Variants in TGIF2 observed in about 807,000 individuals in gnomAD.
TGIF2 encodes the protein homeobox protein TGIF2.
TGIF2 carries 5 observed loss-of-function variants against 15.1 expected under a neutral mutation model. That is an observed-to-expected ratio of 0.33 (90% confidence interval 0.17 to 0.70). The LOEUF (loss-of-function observed/expected upper bound fraction) is 0.70, where lower values mean the gene tolerates loss of function less well. TGIF2 is among the 30% of genes least tolerant of loss of function. The pLI, the probability that TGIF2 is intolerant of heterozygous loss-of-function variation, is 0.67. For synonymous variants in TGIF2, 131 were observed against 128.9 expected, an observed-to-expected ratio of 1.02 and a Z score of -0.11; for missense variants, 264 against 302.5, an observed-to-expected ratio of 0.87 and a Z score of 0.94.
At chr20:36,585,550 G>A (rs1285546507) in intron 2 of TGIF2, among the ~76,000 whole-genome samples, 1 of 150,562 alleles carries the variant, frequency 6.6e-6, no homozygotes, top group East Asian at 1.9e-4. Flanking sequence ...GCTTGAACAA[G>A]TATCAACATT....
At chr20:36,575,004 T>C (rs1162367397) in intron 1 of TGIF2, among the ~76,000 whole-genome samples, 1 of 151,810 alleles carries the variant, frequency 6.6e-6, no homozygotes, top group Non-Finnish European at 1.5e-5. Flanking sequence ...AGGGTAGAAC[T>C]GATTGTTAGT....
In TGIF2 at chr20:36,573,701, C is replaced by T. The variant is rs895612999; in HGVS notation, c.-79C>T. The T allele has an allele frequency of 6.6e-5, 10 of 152,074 alleles. No homozygotes were observed. Among genetic ancestry groups the T allele is most frequent in the African/African-American group, 2.4e-4 (10 of 41,480 alleles). The allele number at this position is 152,074 out of a possible 1,614,324, so 9.4% of individuals were successfully genotyped here. A position where few individuals can be genotyped will look rare whatever the true frequency, so the allele number is the denominator to read the frequency against. ...CCCCCCGCTCCCCGCCGGGACGCCC[C>T]GCGCCGAGCCGGAGGCCGCGTGGAC... On this transcript the variant is annotated 5_prime_UTR_variant, in exon 1 of 3. Coordinates refer to ENST00000373872, the MANE Select transcript of TGIF2 (RefSeq NM_021809.7).
chr20:36,578,771 C>T lies in TGIF2; in HGVS notation c.-4C>T, dbSNP rs1158443303. The T allele has an allele frequency of 2.5e-6, 4 of 1,608,786 alleles. No homozygotes were observed. In the East Asian group the frequency reaches 8.9e-5, roughly 36 times the overall value. ...CCCAAGGTCCAGCCTAGCCCCTAGG[C>T]ACCATGTCGGACAGTGATCTAGGTG... On this transcript the variant is annotated 5_prime_UTR_variant, in exon 2 of 3. Coordinates refer to ENST00000373872, the MANE Select transcript of TGIF2 (RefSeq NM_021809.7).
chr20:36,587,735 G>A (rs2038688752), intron 2 of TGIF2, among the ~76,000 whole-genome samples: 1 of 152,168 alleles, frequency 6.6e-6, no homozygotes, highest in South Asian at 2.1e-4. Flanking sequence ...CTGTGTGATA[G>A]GCTGAGATTG....
intron 2 of TGIF2, among the ~76,000 whole-genome samples, chr20:36,584,884 C>T (rs1467312443): frequency 6.6e-6 from 1 of 151,762 alleles, no homozygotes; most frequent in Non-Finnish European, 1.5e-5. Flanking sequence ...CCATTAAGGA[C>T]ATTTAAGAAT....
In TGIF2 at chr20:36,578,786, T is replaced by C. The variant is rs757921819; in HGVS notation, c.12T>C (p.Ser4=). Residue 4 remains serine (S), a synonymous_variant, in exon 2 of 3, where the codon AGT becomes AGC. Coordinates refer to ENST00000373872, the MANE Select transcript of TGIF2 (RefSeq NM_021809.7). ...AGCCCCTAGGCACCATGTCGGACAG[T>C]GATCTAGGTGAGGACGAAGGCCTCC... The part of the protein sequence containing the change: MSD[S]DLGEDEGLLS... 6.6e-5 allele frequency: 106 copies of C among 1,612,288 alleles called. No individual in the cohort carries two copies. In the East Asian group the frequency reaches 9.1e-4, roughly 14 times the overall value.
At chr20:36,574,419 A>C (rs2038368565) in intron 1 of TGIF2, 1 of 33,148 alleles carries the variant, frequency 3.0e-5, no homozygotes, top group East Asian at 9.0e-4. Flanking sequence ...GGCGGCCAAC[A>C]TGGAGTCTGG....
chr20:36,574,439 T>TGGGGGGGGGGGGGGGGGG (rs1237948383), intron 1 of TGIF2: 4 of 7,984 alleles, frequency 5.0e-4, no homozygotes, highest in Non-Finnish European at 8.4e-4. Flanking sequence ...GGCGCAGGGC[T>TGGGGGGGGGGGGGGGGGG]GGGGGGGGGG....
intron 1 of TGIF2, chr20:36,574,442 G>C (rs868758745): frequency 3.5e-5 from 5 of 141,548 alleles, no homozygotes; most frequent in South Asian, 2.1e-4. Flanking sequence ...GCAGGGCTGG[G>C]GGGGGGGGGG....
At chr20:36,585,629 C>T (rs1001752114) in intron 2 of TGIF2, among the ~76,000 whole-genome samples, 3 of 152,234 alleles carry the variant, frequency 2.0e-5, no homozygotes, top group South Asian at 2.1e-4. Context: ...CTCCCAGGAG[C>T]GATTCATTAG....
intron 1 of TGIF2, among the ~76,000 whole-genome samples, chr20:36,578,432 A>G (rs2038476047): frequency 6.6e-6 from 1 of 152,090 alleles, no homozygotes; most frequent in African/African-American, 2.4e-5. Context: ...AAAAAAAGAA[A>G]AGAAAAAACC....
intron 2 of TGIF2, among the ~76,000 whole-genome samples, chr20:36,580,456 A>C (rs551489849): frequency 1.2e-4 from 19 of 152,270 alleles, no homozygotes; most frequent in Middle Eastern, 3.4e-3. Flanking sequence ...CTCATCTGAA[A>C]AAAGGGAGGT....
At chr20:36,575,872 C>A (rs2038417305) in intron 1 of TGIF2, among the ~76,000 whole-genome samples, 1 of 151,958 alleles carries the variant, frequency 6.6e-6, no homozygotes, top group African/African-American at 2.4e-5. Context: ...GCGGGCAGAT[C>A]ACCTGAGGTC....
chr20:36,589,217 TAGTC>T lies in TGIF2; in HGVS notation c.193-1688_193-1685del, dbSNP rs1465840980. Among the ~76,000 whole-genome samples the T allele has an allele frequency of 3.9e-5, 6 of 152,300 alleles. No homozygotes were observed. In the East Asian group the frequency reaches 9.7e-4, roughly 25 times the overall value. On this transcript the variant is annotated intron_variant, in intron 2 of 2. Coordinates refer to ENST00000373872, the MANE Select transcript of TGIF2 (RefSeq NM_021809.7). ...TGGTGGTTATTCACCTAATGGTTAA[TAGTC>T]AGTCTCCATGACTAGGTGCACTATA...
chr20:36,591,336 C>T lies in TGIF2; in HGVS notation c.619C>T (p.Gln207Ter), dbSNP rs1443891927. The T allele has an allele frequency of 6.2e-7, 1 of 1,614,212 alleles. No individual in the cohort carries two copies. Among genetic ancestry groups the T allele is most frequent in the East Asian group, 2.2e-5 (1 of 44,884 alleles). The change falls in exon 3 of 3, where the codon CAG becomes TAG. Residue 207 changes from glutamine (Q) to a stop codon, truncating the protein, a stop_gained. Coordinates refer to ENST00000373872, the MANE Select transcript of TGIF2 (RefSeq NM_021809.7). LOFTEE classifies it high-confidence loss of function. The surrounding 1 kb of genome is among the most constrained non-coding windows in gnomAD (Gnocchi z 5.3). Reference sequence around the variant, plus strand: ...CCAGCTGCTGGTGGAGGTGGCGCTACAGAGGGCTGCTGAGATGGAGCTTCA... The same window carrying T: ...CCAGCTGCTGGTGGAGGTGGCGCTATAGAGGGCTGCTGAGATGGAGCTTCA... ...SFQLLVEVAL[Q>*]RAAEMELQKQ...
At chr20:36,576,091 CAA>C (rs1321763571) in intron 1 of TGIF2, among the ~76,000 whole-genome samples, 4 of 120,600 alleles carry the variant, frequency 3.3e-5, no homozygotes, top group South Asian at 2.6e-4. Flanking sequence ...GACTCCATCT[CAA>C]AAAAAAAAAA....
intron 2 of TGIF2, among the ~76,000 whole-genome samples, chr20:36,588,646 A>AT (rs143845764): frequency 9.2e-5 from 14 of 152,240 alleles, no homozygotes; most frequent in Non-Finnish European, 1.5e-4. Context: ...AGAGGGGCAA[A>AT]TAAGGACCCC....
intron 2 of TGIF2, among the ~76,000 whole-genome samples, chr20:36,584,323 G>A (rs1294855142): frequency 1.3e-5 from 2 of 152,196 alleles, no homozygotes; most frequent in Non-Finnish European, 2.9e-5. Context: ...AATTCTAGAG[G>A]TGTGGAGAGC....
At chr20:36,576,482 G>A (rs1256525454) in intron 1 of TGIF2, among the ~76,000 whole-genome samples, 2 of 152,134 alleles carry the variant, frequency 1.3e-5, no homozygotes, top group African/African-American at 4.8e-5. Context: ...AGTTCTCACT[G>A]GCCCTTGGGA....
Sources: allele counts gnomAD v4.1 joint callset (sites outside exome capture counted in the v4.1 genomes callset), GRCh38; gene constraint gnomAD v4.1.1; non-coding constraint Gnocchi (gnomAD v3.1); transcripts MANE v1.5; gene names NCBI Gene and HGNC (gene_info 2026-07-23, HGNC 2026-07-21).